Variants in RBMS1 observed in about 807,000 individuals in gnomAD.
The protein encoded by RBMS1 is RNA binding motif single stranded interacting protein 1, also known as RNA-binding motif, single-stranded-interacting protein 1.
A neutral mutation model predicts 62.3 loss-of-function variants in RBMS1; 17 were observed. The observed-to-expected ratio is 0.27, with a 90% CI of 0.19 to 0.41. The LOEUF (loss-of-function observed/expected upper bound fraction) is 0.41. Among genes scored for constraint, RBMS1 ranks in the 10% least tolerant of loss-of-function variants. The pLI, the probability that RBMS1 is intolerant of heterozygous loss-of-function variation, is 1.00. For synonymous variants in RBMS1, 172 were observed against 170.0 expected (o/e 1.01, Z -0.09); for missense variants, 334 against 504.5 (o/e 0.66, Z 3.24).
intron 1 of RBMS1, among the ~76,000 whole-genome samples, chr2:160,485,585 C>G (rs1438063409): frequency 2.0e-5 from 3 of 151,892 alleles, no homozygotes; most frequent in African/African-American, 7.3e-5. Context: ...AACCAAATGA[C>G]AAGCGAACTG....
chr2:160,448,019 C>T (rs1474469810), intron 1 of RBMS1, among the ~76,000 whole-genome samples: 3 of 152,078 alleles, frequency 2.0e-5, no homozygotes, highest in African/African-American at 7.2e-5. Flanking sequence ...AGATCATAGG[C>T]TATGTTAACT....
chr2:160,487,473 C>T (rs1267082552), intron 1 of RBMS1, among the ~76,000 whole-genome samples: 1 of 152,130 alleles, frequency 6.6e-6, no homozygotes, highest in African/African-American at 2.4e-5. Flanking sequence ...TTAAACTTTC[C>T]CAATGTCAAG....
intron 1 of RBMS1, among the ~76,000 whole-genome samples, chr2:160,376,621 T>C (rs1694014460): frequency 6.6e-6 from 1 of 152,014 alleles, no homozygotes; most frequent in South Asian, 2.1e-4. Context: ...TTCTTTTTTT[T>C]ATTTTTTAAT....
intron 9 of RBMS1, chr2:160,282,431 T>A (rs1271291118): frequency 1.3e-5 from 9 of 717,784 alleles, no homozygotes; most frequent in South Asian, 1.2e-4. Context: ...TGCATAAGCT[T>A]ATGGTGGTTT....
chr2:160,493,226 T>C, intron 1 of RBMS1, 63 bp downstream of exon 1: 1 of 1,510,356 alleles, frequency 6.6e-7, no homozygotes, highest in East Asian at 2.3e-5. Flanking sequence ...TCCCCAGGCC[T>C]GACCCTGCGC....
intron 2 of RBMS1, among the ~76,000 whole-genome samples, chr2:160,325,087 T>C (rs1403405831): frequency 6.6e-6 from 1 of 151,838 alleles, no homozygotes; most frequent in Non-Finnish European, 1.5e-5. Context: ...AGGTAGAATG[T>C]TTGCTTTGGA....
intron 1 of RBMS1, among the ~76,000 whole-genome samples, chr2:160,404,952 G>T (rs999667333): frequency 6.6e-6 from 1 of 152,170 alleles, no homozygotes; most frequent in Non-Finnish European, 1.5e-5. Flanking sequence ...GGCTTGGAAG[G>T]GAGTGATTGT....
At chr2:160,446,568 C>G (rs1683658916) in intron 1 of RBMS1, among the ~76,000 whole-genome samples, 1 of 152,144 alleles carries the variant, frequency 6.6e-6, no homozygotes, top group Non-Finnish European at 1.5e-5. Context: ...CTGTTCACAT[C>G]CATGGACACA....
Position 160,493,459 on chromosome 2 carries a change from G to A in RBMS1, c.-96C>T, listed in dbSNP as rs948291435. 3.4e-6 allele frequency: 3 copies of A among 892,774 alleles called. No homozygotes were observed. The highest frequency in any genetic ancestry group is 1.5e-5 in the South Asian group (1 of 65,516). The allele number at this position is 892,774 out of a possible 1,614,324, so 55.3% of individuals were successfully genotyped here. On this transcript the variant is annotated 5_prime_UTR_variant, in exon 1 of 14. Transcript: ENST00000348849. ...CTCTCCCTTTCCGGCGGCGGCGGCA[G>A]CGGCGGCGGCGGCGGCGGCTGCTGC... is the stretch of plus-strand genomic sequence containing the variant.
chr2:160,367,376 C>G lies in RBMS1; in HGVS notation c.91G>C (p.Ala31Pro). 1 of 1,613,794 alleles carries G rather than the reference C, an allele frequency of 6.2e-7. No individual in the cohort carries two copies. The highest frequency in any genetic ancestry group is 8.5e-7 in the Non-Finnish European group (1 of 1,179,910). ...GGACTGGGAGGGGCCATGGGGTGGG[C>G]TGGGACCAGAGACTGCTGGAAAACA... Reference protein sequence around the residue: ...YLQAKQSLVPAHPMAPPSPST... With the variant: ...YLQAKQSLVPPHPMAPPSPST... The change falls in exon 2 of 14, where the codon GCC becomes CCC. Residue 31 changes from alanine (A) to proline (P), a missense_variant. Physicochemically the swap from Ala to Pro is conservative, Grantham distance 27. Around this residue, in one of 3 missense-constraint regions of RBMS1, gnomAD observed 150 missense variants for 228.0 expected, o/e 0.66. Transcript: ENST00000348849.
At chr2:160,277,250 C>A (rs1427267674) in intron 12 of RBMS1, 53 bp downstream of exon 12, 3 of 1,421,494 alleles carry the variant, frequency 2.1e-6, no homozygotes, top group Non-Finnish European at 3.0e-6. Flanking sequence ...TTTAATTTAC[C>A]CATTTCTGAA....
chr2:160,346,907 T>C (rs1692214200), intron 2 of RBMS1, among the ~76,000 whole-genome samples: 1 of 152,146 alleles, frequency 6.6e-6, no homozygotes, highest in African/African-American at 2.4e-5. Context: ...AATATAATAT[T>C]ACAAGGAAGT....
rs201583065 is a variant in RBMS1 at position 160,363,599 on chromosome 2, A to G, written c.251+3617T>C. On this transcript the variant is annotated intron_variant, in intron 2 of 13. Transcript: ENST00000348849. ...GGCTGGAGAAGAAGGAAGAAGGGCCAAAGAAGAATCCACAAAACTTAGTGA... is the reference window on the plus strand; with the variant it reads ...GGCTGGAGAAGAAGGAAGAAGGGCCGAAGAAGAATCCACAAAACTTAGTGA... Among the ~76,000 whole-genome samples the G allele has an allele frequency of 2.0e-5, 3 of 152,150 alleles. No homozygotes were observed. In the East Asian group the frequency reaches 5.8e-4, roughly 29 times the overall value.
intron 1 of RBMS1, among the ~76,000 whole-genome samples, chr2:160,394,418 A>C (rs929002972): frequency 6.6e-6 from 1 of 152,214 alleles, no homozygotes; most frequent in Non-Finnish European, 1.5e-5. Context: ...ACCCACAGCC[A>C]ATTATATGAG....
intron 1 of RBMS1, among the ~76,000 whole-genome samples, chr2:160,371,600 G>A (rs914024397): frequency 2.0e-5 from 3 of 152,148 alleles, no homozygotes; most frequent in Admixed American, 1.3e-4. Flanking sequence ...ATGCCAAAAT[G>A]GATAGAAAAC....
chr2:160,369,897 A>C (rs1357473419), intron 1 of RBMS1, among the ~76,000 whole-genome samples: 1 of 152,202 alleles, frequency 6.6e-6, no homozygotes, highest in African/African-American at 2.4e-5. Flanking sequence ...TAGACATGAA[A>C]GTAGTAGGTT....
intron 2 of RBMS1, among the ~76,000 whole-genome samples, chr2:160,359,919 T>C (rs1000792487): frequency 6.6e-5 from 10 of 152,180 alleles, no homozygotes; most frequent in African/African-American, 2.4e-4. Flanking sequence ...TCCTGTTAGT[T>C]GCCCTAATTT....
intron 2 of RBMS1, among the ~76,000 whole-genome samples, chr2:160,325,706 C>G (rs538896283): frequency 1.3e-5 from 2 of 152,024 alleles, no homozygotes; most frequent in Non-Finnish European, 1.5e-5. Flanking sequence ...GAGAATGAGG[C>G]CTAAAAATAG....
chr2:160,283,576 G>GT (rs1401881482), intron 9 of RBMS1: 3 of 152,124 alleles, frequency 2.0e-5, no homozygotes, highest in South Asian at 2.1e-4. Flanking sequence ...CAGTTTTAGC[G>GT]TATCTAATCA....
Sources: allele counts gnomAD v4.1 joint callset (sites outside exome capture counted in the v4.1 genomes callset), GRCh38; gene constraint gnomAD v4.1.1; regional missense constraint gnomAD v4.1.1; transcripts MANE v1.5; gene names NCBI Gene and HGNC (gene_info 2026-07-23, HGNC 2026-07-21).